Variants in SEMA3D observed in about 807,000 individuals in gnomAD.
SEMA3D encodes semaphorin 3D, also known as semaphorin-3D.
A neutral mutation model predicts 100.1 loss-of-function variants in SEMA3D; 84 were observed. The observed-to-expected ratio is 0.84, with a 90% confidence interval of 0.70 to 1.01. SEMA3D has a LOEUF of 1.01. SEMA3D is among the 50% of genes least tolerant of loss of function. SEMA3D has a pLI of 0.00. For synonymous variants in SEMA3D, 312 were observed against 320.7 expected (o/e 0.97, Z 0.29); for missense variants, 875 against 934.1 (o/e 0.94, Z 0.82).
chr7:85,058,249 T>A (rs949490237), intron 8 of SEMA3D, among the ~76,000 whole-genome samples: 1 of 152,096 alleles, frequency 6.6e-6, no homozygotes, highest in Admixed American at 6.5e-5. Flanking sequence ...GAAAACCACA[T>A]AAAGTATTTA....
chr7:85,199,931 T>C, the SEMA3D span, among the ~76,000 whole-genome samples: 3 of 152,182 alleles, frequency 2.0e-5, no homozygotes, highest in Non-Finnish European at 4.4e-5. Flanking sequence ...TTACGAGATC[T>C]GATGGTTTTA....
chr7:85,166,379 G>T (rs952477024), intron 1 of SEMA3D, among the ~76,000 whole-genome samples: 4 of 151,982 alleles, frequency 2.6e-5, no homozygotes, highest in Non-Finnish European at 5.9e-5. Context: ...AAAAGAACAT[G>T]AAAGTTTGAA....
chr7:85,104,568 G>A (rs573054612), intron 3 of SEMA3D, among the ~76,000 whole-genome samples: 6 of 152,002 alleles, frequency 3.9e-5, no homozygotes, highest in Admixed American at 1.3e-4. Context: ...CATTTGACCC[G>A]ATGGTCTATA....
intron 13 of SEMA3D, among the ~76,000 whole-genome samples, chr7:85,021,469 A>G (rs1790254390): frequency 6.6e-6 from 1 of 151,802 alleles, no homozygotes; most frequent in African/African-American, 2.4e-5. Context: ...TGGAATTGCC[A>G]TCTTCAAAAT....
the SEMA3D span, among the ~76,000 whole-genome samples, chr7:85,226,453 T>C: frequency 6.6e-6 from 1 of 152,182 alleles, no homozygotes. Context: ...ACATACTCAT[T>C]GTATGGTTGG....
chr7:85,099,243 C>T (rs1165073344), intron 3 of SEMA3D, among the ~76,000 whole-genome samples: 1 of 151,776 alleles, frequency 6.6e-6, no homozygotes, highest in African/African-American at 2.4e-5. Flanking sequence ...GGGAGGGACC[C>T]GGTGGGAGAT....
At chr7:85,226,259 A>G in the SEMA3D span, among the ~76,000 whole-genome samples, 1 of 152,140 alleles carries the variant, frequency 6.6e-6, no homozygotes, top group Non-Finnish European at 1.5e-5. Context: ...TCATGAGTTT[A>G]GTTTCAAATG....
chr7:85,182,519 C>T (rs1791436072), intron 1 of SEMA3D, among the ~76,000 whole-genome samples: 1 of 152,074 alleles, frequency 6.6e-6, no homozygotes, highest in African/African-American at 2.4e-5. Flanking sequence ...TTAGGGAAGA[C>T]AAATTCCTAC....
At chr7:85,059,856 AT>A (rs1228227406) in intron 8 of SEMA3D, among the ~76,000 whole-genome samples, 1 of 152,342 alleles carries the variant, frequency 6.6e-6, no homozygotes, top group East Asian at 1.9e-4. Flanking sequence ...AAATATGGCA[AT>A]TCATTGTCAT....
At chr7:85,093,219 G>C (rs967876128) in intron 4 of SEMA3D, among the ~76,000 whole-genome samples, 1 of 151,820 alleles carries the variant, frequency 6.6e-6, no homozygotes, top group Non-Finnish European at 1.5e-5. Context: ...AAAGTGTTTC[G>C]TTCCTAAATA....
chr7:85,069,977 A>T (rs991785024), intron 6 of SEMA3D, among the ~76,000 whole-genome samples: 4 of 152,226 alleles, frequency 2.6e-5, no homozygotes, highest in Non-Finnish European at 4.4e-5. Context: ...AGTGACTAGA[A>T]TGAAGCAAGT....
At position 84,996,343 on chromosome 7, in the gene SEMA3D, AG is replaced by A. The variant is rs1789499228; in HGVS notation, c.*3096del. On this transcript the variant is annotated 3_prime_UTR_variant, in exon 19 of 19. Coordinates refer to ENST00000284136, the MANE Select transcript of SEMA3D (RefSeq NM_001384900.1). ...GAACCAAAAGCAAAATTCAAGAGTA[AG>A]ACCATTTTGTAGCCAGCATATTGTA... 6.6e-6 allele frequency: 1 copy of A among 152,028 alleles called. No homozygotes were observed. Among genetic ancestry groups the A allele is most frequent in the African/African-American group, 2.4e-5 (1 of 41,444 alleles). 9.4% of individuals were successfully genotyped at this position (152,028 alleles called of 1,614,324 possible). A position where few individuals can be genotyped will look rare whatever the true frequency, so the allele number is the denominator to read the frequency against.
At chr7:85,207,629 C>T in the SEMA3D span, among the ~76,000 whole-genome samples, 3 of 151,944 alleles carry the variant, frequency 2.0e-5, no homozygotes, top group South Asian at 4.2e-4. Flanking sequence ...AATTACATTG[C>T]TCTGTTGCCA....
At chr7:85,215,004 A>C in the SEMA3D span, among the ~76,000 whole-genome samples, 1 of 151,876 alleles carries the variant, frequency 6.6e-6, no homozygotes, top group African/African-American at 2.4e-5. Context: ...TTTAATATTT[A>C]TATTTTATCA....
chr7:85,123,875 T>G (rs1789496749), intron 2 of SEMA3D, among the ~76,000 whole-genome samples: 1 of 152,198 alleles, frequency 6.6e-6, no homozygotes, highest in African/African-American at 2.4e-5. Context: ...GCATATTTTA[T>G]TTACATTTAA....
In SEMA3D at chr7:85,097,672, A is replaced by G; in HGVS notation, c.312+133T>C. ...GTGTATCAGAGGCAATATATTCTTT[A>G]TGCTGCTTTTTGACATGTATGTGAT... is the stretch of plus-strand genomic sequence containing the variant. On this transcript the variant is annotated intron_variant, in intron 4 of 18. Coordinates refer to ENST00000284136, the MANE Select transcript of SEMA3D (RefSeq NM_001384900.1). 4 of 482,242 alleles carry G rather than the reference A, an allele frequency of 8.3e-6. 1 individual carries two copies. The East Asian group carries it at 1.3e-4, about 15-fold the overall frequency. The allele number at this position is 482,242 out of a possible 1,614,324, so 29.9% of individuals were successfully genotyped here. A position where few individuals can be genotyped will look rare whatever the true frequency, so the allele number is the denominator to read the frequency against.
chr7:85,208,916 A>G, the SEMA3D span, among the ~76,000 whole-genome samples: 1 of 152,082 alleles, frequency 6.6e-6, no homozygotes, highest in Non-Finnish European at 1.5e-5. Context: ...ATTTGAAAGG[A>G]TCAGGACCAC....
the SEMA3D span, among the ~76,000 whole-genome samples, chr7:85,201,669 T>C: frequency 6.6e-6 from 1 of 152,218 alleles, no homozygotes; most frequent in Non-Finnish European, 1.5e-5. Flanking sequence ...CACTATTCTA[T>C]GGAAACCCAG....
the SEMA3D span, among the ~76,000 whole-genome samples, chr7:85,196,782 C>T: frequency 6.6e-6 from 1 of 152,238 alleles, no homozygotes; most frequent in Admixed American, 6.5e-5. Context: ...ATAAAAACCA[C>T]AATGTGATTC....
Sources: allele counts gnomAD v4.1 joint callset (sites outside exome capture counted in the v4.1 genomes callset), GRCh38; gene constraint gnomAD v4.1.1; transcripts MANE v1.5; gene names NCBI Gene and HGNC (gene_info 2026-07-23, HGNC 2026-07-21).